The following LHPP variants were observed in gnomAD, a reference collection of about 807,000 sequenced individuals.
LHPP encodes the protein phospholysine phosphohistidine inorganic pyrophosphate phosphatase, also known as hLHPP.
A neutral mutation model predicts 30.3 loss-of-function variants in LHPP; 24 were observed. The observed-to-expected ratio is 0.79, with a 90% CI of 0.57 to 1.11. The LOEUF (loss-of-function observed/expected upper bound fraction) is 1.11. Ranked by LOEUF, LHPP falls within the 50% of genes most tolerant of loss-of-function variation. LHPP has a pLI of 0.00. For missense variants in LHPP, 356 were observed against 367.2 expected (o/e 0.97, Z 0.25); for synonymous variants, 150 against 157.1 (o/e 0.95, Z 0.34).
At position 124,496,999 on chromosome 10, in the gene LHPP, T is replaced by TTGGTCCCTACATGAAGGCGC; in HGVS notation, c.508_527dup (p.Glu177ValfsTer4). The TTGGTCCCTACATGAAGGCGC allele has an allele frequency of 6.2e-7, 1 of 1,614,146 alleles. No individual in the cohort carries two copies. Among genetic ancestry groups the TTGGTCCCTACATGAAGGCGC allele is most frequent in the Non-Finnish European group, 8.5e-7 (1 of 1,179,974 alleles). On this transcript the variant is annotated frameshift_variant, in exon 4 of 7. Coordinates refer to ENST00000368842, the MANE Select transcript of LHPP (RefSeq NM_022126.4). LOFTEE classifies it high-confidence loss of function. This position sits in a 1 kb window ranked among gnomAD's most constrained non-coding sequence, Gnocchi z 4.3. ...GAGACCTCTGGCCTGATGCTGGACG[T>TTGGTCCCTACATGAAGGCGC]TGGTCCCTACATGAAGGCGCTTGAG... is the stretch of plus-strand genomic sequence containing the variant.
At chr10:124,606,166 G>A (rs779418186) in intron 6 of LHPP, among the ~76,000 whole-genome samples, 12 of 152,266 alleles carry the variant, frequency 7.9e-5, no homozygotes, top group East Asian at 7.7e-4. Context: ...CCCCGCAGGC[G>A]CCTGGGGAAA....
chr10:124,588,192 G>A (rs1054262981), intron 6 of LHPP, among the ~76,000 whole-genome samples: 21 of 152,244 alleles, frequency 1.4e-4, no homozygotes, highest in African/African-American at 4.3e-4. Context: ...CACAACACGC[G>A]TCCCTCAGCC....
chr10:124,555,563 C>T (rs569927893), intron 6 of LHPP, among the ~76,000 whole-genome samples: 41 of 152,242 alleles, frequency 2.7e-4, no homozygotes, highest in African/African-American at 9.2e-4. Flanking sequence ...GTGAGGTCAG[C>T]ATGGGGGACC....
At chr10:124,546,953 A>G (rs28519979) in intron 6 of LHPP, among the ~76,000 whole-genome samples, 16,913 of 151,754 alleles carry the variant, frequency 0.11, 1,474 homozygotes, top group East Asian at 0.47. Flanking sequence ...TGTTTTCTGC[A>G]CCTCTCCCGC....
intron 6 of LHPP, chr10:124,553,819 G>A (rs1328964036): frequency 2.3e-6 from 2 of 878,426 alleles, no homozygotes; most frequent in Non-Finnish European, 2.7e-6. Flanking sequence ...GAGCTGCACA[G>A]AGACCTCCCC....
chr10:124,489,642 C>T (rs550016905), intron 3 of LHPP, among the ~76,000 whole-genome samples: 17 of 152,032 alleles, frequency 1.1e-4, no homozygotes, highest in Admixed American at 2.6e-4. Flanking sequence ...TTGGTAGAGG[C>T]GGGGTTTCAC....
rs201971378 is a variant in LHPP, at chr10:124,461,870, C to T, written c.8C>T (p.Pro3Leu). The change falls in exon 1 of 7, where the codon CCG becomes CTG. Residue 3 changes from proline (P) to leucine (L), a missense_variant. By Grantham distance (98) the Pro-to-Leu change is moderately conservative. Coordinates refer to ENST00000368842, the MANE Select transcript of LHPP (RefSeq NM_022126.4). MAPWGKRLAGVRG... is the reference protein window; with the variant it reads MALWGKRLAGVRG... ...GGAGCAGGGCCGGGCGCCATGGCAC[C>T]GTGGGGCAAGCGGCTGGCTGGCGTG... 2.0e-4 allele frequency: 249 copies of T among 1,255,046 alleles called. No homozygotes were observed. The African/African-American group carries it at 3.5e-3, about 18-fold the overall frequency. 77.7% of individuals were successfully genotyped at this position (1,255,046 alleles called of 1,614,324 possible).
At chr10:124,475,947 A>C (rs1331297212) in intron 1 of LHPP, among the ~76,000 whole-genome samples, 1 of 151,984 alleles carries the variant, frequency 6.6e-6, no homozygotes, top group African/African-American at 2.4e-5. Flanking sequence ...ATTCCCATGT[A>C]CTTCATTCTA....
chr10:124,548,497 C>T (rs942479226), intron 6 of LHPP, among the ~76,000 whole-genome samples: 6 of 152,080 alleles, frequency 3.9e-5, no homozygotes, highest in African/African-American at 9.7e-5. Flanking sequence ...GGCCTTCTGT[C>T]GAGGTGGGTG....
At chr10:124,491,826 G>A (rs1176463507) in intron 3 of LHPP, among the ~76,000 whole-genome samples, 3 of 152,190 alleles carry the variant, frequency 2.0e-5, no homozygotes, top group Admixed American at 1.3e-4. Context: ...TCGGGAGGCT[G>A]ACGCATGAGA....
intron 5 of LHPP, among the ~76,000 whole-genome samples, chr10:124,512,379 G>A (rs1015472980): frequency 6.6e-6 from 1 of 152,262 alleles, no homozygotes; most frequent in East Asian, 1.9e-4. Context: ...CACTTTGGGA[G>A]GCTGAGGCAG....
intron 6 of LHPP, among the ~76,000 whole-genome samples, chr10:124,580,246 C>G (rs1444478919): frequency 6.6e-6 from 1 of 152,200 alleles, no homozygotes; most frequent in Admixed American, 6.5e-5. Flanking sequence ...CTTATTGGGA[C>G]ACAGTTTTAA....
At chr10:124,519,029 C>T (rs1954536259) in intron 6 of LHPP, among the ~76,000 whole-genome samples, 1 of 152,158 alleles carries the variant, frequency 6.6e-6, no homozygotes. Context: ...CTCACTGCAA[C>T]CTCCGCCTCC....
At chr10:124,556,674 C>T (rs1265934298) in intron 6 of LHPP, among the ~76,000 whole-genome samples, 1 of 152,198 alleles carries the variant, frequency 6.6e-6, no homozygotes, top group African/African-American at 2.4e-5. Context: ...GACACCCTCA[C>T]CAACAAATAA....
intron 6 of LHPP, among the ~76,000 whole-genome samples, chr10:124,565,875 G>A (rs7090456): frequency 0.17 from 26,492 of 152,262 alleles, 2,753 homozygotes; most frequent in East Asian, 0.36. Flanking sequence ...ACAGGAGGGG[G>A]AAGGGGTGTC....
chr10:124,598,409 A>C (rs1020712227), intron 6 of LHPP, among the ~76,000 whole-genome samples: 1 of 152,212 alleles, frequency 6.6e-6, no homozygotes. Flanking sequence ...TGGCCACCGC[A>C]GGGCAGGAGT....
chr10:124,498,126 C>A lies in LHPP; in HGVS notation c.622C>A (p.Gln208Lys). The A allele has an allele frequency of 6.2e-7, 1 of 1,612,132 alleles. No homozygotes were observed. The highest frequency in any genetic ancestry group is 8.5e-7 in the Non-Finnish European group (1 of 1,179,284). ...ALQAIGVEAHQAVMIGDDIVG... is the reference protein window; with the variant it reads ...ALQAIGVEAHKAVMIGDDIVG... ...GCAAGCGATAGGAGTGGAAGCCCACCAGGTAGGTTGGCGCCTTGTGAAGTG... is the reference window on the plus strand; with the variant it reads ...GCAAGCGATAGGAGTGGAAGCCCACAAGGTAGGTTGGCGCCTTGTGAAGTG... The change falls in exon 5 of 7, where the codon CAG becomes AAG. Residue 208 changes from glutamine to lysine, a missense_variant and splice_region_variant. Coordinates refer to ENST00000368842, the MANE Select transcript of LHPP (RefSeq NM_022126.4).
intron 6 of LHPP, among the ~76,000 whole-genome samples, chr10:124,550,742 G>A (rs1157841046): frequency 6.6e-6 from 1 of 152,212 alleles, no homozygotes; most frequent in Non-Finnish European, 1.5e-5. Context: ...TTCCGGAAAG[G>A]AGGCTCTGGA....
At chr10:124,498,818 C>T (rs994860753) in intron 5 of LHPP, 5 of 293,920 alleles carry the variant, frequency 1.7e-5, no homozygotes, top group African/African-American at 1.2e-4. Flanking sequence ...CTAACCAGGC[C>T]CCCCCCCCGC....
Sources: allele counts gnomAD v4.1 joint callset (sites outside exome capture counted in the v4.1 genomes callset), GRCh38; gene constraint gnomAD v4.1.1; non-coding constraint Gnocchi (gnomAD v3.1); transcripts MANE v1.5; gene names NCBI Gene and HGNC (gene_info 2026-07-23, HGNC 2026-07-21).